Variants in SEC14L2 observed in about 807,000 individuals in gnomAD.
The protein encoded by SEC14L2 is SEC14-like protein 2.
In SEC14L2, 50 loss-of-function variants were observed where a neutral mutation model predicts 56.9. The observed-to-expected ratio is 0.88, with a 90% CI of 0.70 to 1.11. The LOEUF (loss-of-function observed/expected upper bound fraction) is 1.11, where lower values mean the gene tolerates loss of function less well. SEC14L2 is among the 50% of genes most tolerant of loss of function. The probability of loss-of-function intolerance (pLI) is 0.00; values close to 1 mark genes in which losing one functional copy is unlikely to be tolerated. For synonymous variants in SEC14L2, 179 were observed against 188.5 expected (o/e 0.95, Z 0.41); for missense variants, 414 against 500.7 (o/e 0.83, Z 1.65).
At chr22:30,407,290 G>A in intron 4 of SEC14L2, 125 bp from the exon 5 acceptor site, 1 of 1,424,260 alleles carries the variant, frequency 7.0e-7, no homozygotes, top group Non-Finnish European at 9.8e-7. Flanking sequence ...CTCCAGAATG[G>A]GCATCTGTTG....
At chr22:30,418,377 T>C (rs1934438179) in intron 11 of SEC14L2, among the ~76,000 whole-genome samples, 1 of 151,910 alleles carries the variant, frequency 6.6e-6, no homozygotes, top group African/African-American at 2.4e-5. Context: ...TGTCAGAGAG[T>C]GTGGAATCCC....
intron 1 of SEC14L2, 117 bp from the exon 2 acceptor site, chr22:30,399,513 CAAAAAAAAAAAAA>C (rs60817387): frequency 2.1e-5 from 5 of 242,856 alleles, no homozygotes; most frequent in African/African-American, 8.3e-5. Context: ...GACTCTATCT[CAAAAAAAAAAAAA>C]AAAAAAAAAA....
At chr22:30,410,804 C>A in intron 8 of SEC14L2, 125 bp downstream of exon 8, 1 of 827,288 alleles carries the variant, frequency 1.2e-6, no homozygotes, top group Non-Finnish European at 2.0e-6. Flanking sequence ...AGCAGTGGGA[C>A]CCAGGAGCAA....
chr22:30,416,513 G>T, intron 11 of SEC14L2, 110 bp downstream of exon 11: 1 of 1,584,172 alleles, frequency 6.3e-7, no homozygotes, highest in Non-Finnish European at 8.6e-7. Context: ...ACTAGAAGTG[G>T]AATGCCATCA....
At position 30,424,813 on chromosome 22, in the gene SEC14L2, T is replaced by A. The variant is rs1044870445; in HGVS notation, c.*2406T>A. The A allele has an allele frequency of 2.2e-6, 1 of 456,696 alleles. No individual in the cohort carries two copies. The highest frequency in any genetic ancestry group is 2.3e-5 in the Admixed American group (1 of 42,574). 28.3% of individuals were successfully genotyped at this position (456,696 alleles called of 1,614,324 possible). Reference sequence around the variant, plus strand: ...GAAGTGCACACATTGCTCACCTGGGTGAACTGAGGTCCAGCGGGGGAAGGC... The same window carrying A: ...GAAGTGCACACATTGCTCACCTGGGAGAACTGAGGTCCAGCGGGGGAAGGC... On this transcript the variant is annotated 3_prime_UTR_variant, in exon 12 of 12. Coordinates refer to ENST00000615189, the MANE Select transcript of SEC14L2 (RefSeq NM_012429.5).
At chr22:30,397,647 C>T (rs1933793571) in intron 1 of SEC14L2, 1 of 323,900 alleles carries the variant, frequency 3.1e-6, no homozygotes, top group African/African-American at 2.2e-5. Context: ...CGCTGTGCGA[C>T]CTTGGGCAAA....
At chr22:30,399,194 AG>A (rs1933847188) in intron 1 of SEC14L2, among the ~76,000 whole-genome samples, 1 of 151,998 alleles carries the variant, frequency 6.6e-6, no homozygotes, top group African/African-American at 2.4e-5. Context: ...GTGCCCAGGG[AG>A]TGTCTGCAGA....
intron 7 of SEC14L2, among the ~76,000 whole-genome samples, 196 bp downstream of exon 7, chr22:30,409,682 G>A (rs1350364340): frequency 6.6e-6 from 1 of 152,156 alleles, no homozygotes; most frequent in Non-Finnish European, 1.5e-5. Flanking sequence ...AGGCTCTCTT[G>A]AGCCCAGGAG....
intron 1 of SEC14L2, chr22:30,398,593 C>T (rs544100052): frequency 2.3e-5 from 10 of 426,956 alleles, no homozygotes; most frequent in South Asian, 1.0e-4. Flanking sequence ...TGCACTTTCC[C>T]GCTTCCTGGC....
rs1380024783 is a variant in SEC14L2, at chr22:30,399,636, C to T, written c.55-7C>T. Reference sequence around the variant, plus strand: ...CCTACCACTCACCCCGATGCCTCTCCCTACAGTTTCGGGAGAATGTCCAGG... The same window carrying T: ...CCTACCACTCACCCCGATGCCTCTCTCTACAGTTTCGGGAGAATGTCCAGG... On this transcript the variant is annotated splice_region_variant and splice_polypyrimidine_tract_variant and intron_variant, in intron 1 of 11. Coordinates refer to ENST00000615189, the MANE Select transcript of SEC14L2 (RefSeq NM_012429.5). 1.2e-6 allele frequency: 2 copies of T among 1,611,988 alleles called. No individual in the cohort carries two copies. Among genetic ancestry groups the T allele is most frequent in the Admixed American group, 1.7e-5 (1 of 59,890 alleles).
chr22:30,400,894 C>CAAAAAAAA (rs1185861063), intron 2 of SEC14L2, among the ~76,000 whole-genome samples: 1 of 48,598 alleles, frequency 2.1e-5, no homozygotes. Flanking sequence ...GACTCCGTCT[C>CAAAAAAAA]AAAAAAAAAA....
chr22:30,417,242 CTG>C (rs1250590397), intron 11 of SEC14L2, among the ~76,000 whole-genome samples: 1 of 152,200 alleles, frequency 6.6e-6, no homozygotes, highest in Non-Finnish European at 1.5e-5. Flanking sequence ...GAAAAGAACT[CTG>C]GGGAAATTTA....
Position 30,399,667 on chromosome 22 carries a change from C to T in SEC14L2, c.79C>T (p.Leu27=). The T allele has an allele frequency of 1.2e-6, 2 of 1,613,874 alleles. No homozygotes were observed. Among genetic ancestry groups the T allele is most frequent in the Non-Finnish European group, 1.7e-6 (2 of 1,179,894 alleles). Reference sequence around the variant, plus strand: ...GTTTCGGGAGAATGTCCAGGATGTGCTGCCGGCCCTGCCGAATCCAGATGA... The same window carrying T: ...GTTTCGGGAGAATGTCCAGGATGTGTTGCCGGCCCTGCCGAATCCAGATGA... ...AKFRENVQDV[L]PALPNPDDYF... Residue 27 remains leucine (L), a synonymous_variant, in exon 2 of 12, where the codon CTG becomes TTG. Coordinates refer to ENST00000615189, the MANE Select transcript of SEC14L2 (RefSeq NM_012429.5).
chr22:30,407,180 C>T (rs781288931), intron 4 of SEC14L2, 26 bp downstream of exon 4: 1 of 1,612,532 alleles, frequency 6.2e-7, no homozygotes, highest in Admixed American at 1.7e-5. Flanking sequence ...CCCACCTCAT[C>T]CCTATGCTAG....
chr22:30,407,375 A>C (rs1934125039), intron 4 of SEC14L2, 40 bp from the exon 5 acceptor site: 1 of 1,600,518 alleles, frequency 6.2e-7, no homozygotes, highest in South Asian at 1.1e-5. Flanking sequence ...CAAGGTATGG[A>C]TGCCTGCTGA....
At chr22:30,410,390 T>C (rs1373565636) in intron 7 of SEC14L2, among the ~76,000 whole-genome samples, 2 of 152,218 alleles carry the variant, frequency 1.3e-5, no homozygotes, top group African/African-American at 4.8e-5. Context: ...ACCATTTGAT[T>C]ATATCCACTG....
chr22:30,414,257 T>C (rs186515743), intron 8 of SEC14L2, among the ~76,000 whole-genome samples: 57 of 152,296 alleles, frequency 3.7e-4, no homozygotes, highest in African/African-American at 1.3e-3. Context: ...GTTTTTATGA[T>C]TTTTGTTTTT....
chr22:30,400,863 C>T (rs1256898209), intron 2 of SEC14L2, among the ~76,000 whole-genome samples: 1 of 131,002 alleles, frequency 7.6e-6, no homozygotes, highest in Non-Finnish European at 1.5e-5. Context: ...CCACTGCACT[C>T]CAGCCTGGGT....
At chr22:30,417,409 C>A (rs1261128381) in intron 11 of SEC14L2, among the ~76,000 whole-genome samples, 6 of 152,224 alleles carry the variant, frequency 3.9e-5, no homozygotes. Flanking sequence ...TCAACACCCA[C>A]AATCAAATCT....
Sources: allele counts gnomAD v4.1 joint callset (sites outside exome capture counted in the v4.1 genomes callset), GRCh38; gene constraint gnomAD v4.1.1; transcripts MANE v1.5; gene names NCBI Gene and HGNC (gene_info 2026-07-23, HGNC 2026-07-21).